OLFM3: variants seen among roughly 807,000 people sequenced by gnomAD.
OLFM3 encodes the protein noelin-3.
OLFM3 carries 20 observed loss-of-function variants against 48.6 expected under a neutral mutation model. The observed-to-expected ratio is 0.41, with a 90% CI of 0.29 to 0.60. The LOEUF is 0.60. OLFM3 is among the 20% of genes least tolerant of loss of function. The pLI, the probability that OLFM3 is intolerant of heterozygous loss-of-function variation, is 0.28. For missense variants in OLFM3, 437 were observed against 544.3 expected (o/e 0.80, Z 1.96); for synonymous variants, 222 against 198.1 (o/e 1.12, Z -1.01).
chr1:101,905,708 C>T (rs934994023), intron 1 of OLFM3, among the ~76,000 whole-genome samples: 3 of 152,080 alleles, frequency 2.0e-5, no homozygotes, highest in African/African-American at 7.2e-5. Flanking sequence ...TGTGATTGGT[C>T]ATTAATGCCT....
intron 1 of OLFM3, among the ~76,000 whole-genome samples, chr1:101,978,787 T>A (rs1661023409): frequency 6.6e-6 from 1 of 152,138 alleles, no homozygotes; most frequent in Non-Finnish European, 1.5e-5. Flanking sequence ...TATTATATCA[T>A]CCCATAGCAA....
chr1:101,910,359 A>G (rs1422454969), intron 1 of OLFM3, among the ~76,000 whole-genome samples: 2 of 152,066 alleles, frequency 1.3e-5, no homozygotes, highest in Admixed American at 6.6e-5. Flanking sequence ...CCAGCTGCTC[A>G]GGAGGCTGAG....
rs1288505200 is a variant in OLFM3, at chr1:101,854,599, GA to G, written c.70-17575del. 5.9e-5 allele frequency among the ~76,000 whole-genome samples: 9 copies of G among 152,006 alleles called. 1 individual carries two copies. The highest frequency in any genetic ancestry group is 2.2e-4 in the African/African-American group (9 of 41,412). Reference sequence around the variant, plus strand: ...CCAGGATTAGTCCAGAAATAAAAACGAAGAATGCAGAGTGGTGTGACAGAAA... The same window carrying G: ...CCAGGATTAGTCCAGAAATAAAAACGAGAATGCAGAGTGGTGTGACAGAAA... On this transcript the variant is annotated intron_variant, in intron 1 of 5. Transcript: ENST00000370103.
chr1:101,888,182 G>A (rs763631234), intron 1 of OLFM3, among the ~76,000 whole-genome samples: 77 of 152,054 alleles, frequency 5.1e-4, no homozygotes, highest in Non-Finnish European at 8.4e-4. Flanking sequence ...AAGAGAGCCT[G>A]CATTGCCAAG....
intron 1 of OLFM3, among the ~76,000 whole-genome samples, chr1:101,957,708 A>T (rs1185921929): frequency 6.6e-6 from 1 of 152,070 alleles, no homozygotes; most frequent in African/African-American, 2.4e-5. Flanking sequence ...CTCTGGGAAG[A>T]GGCTGAATAA....
At chr1:101,841,116 G>A (rs944836324) in intron 1 of OLFM3, among the ~76,000 whole-genome samples, 1 of 152,140 alleles carries the variant, frequency 6.6e-6, no homozygotes, top group East Asian at 1.9e-4. Context: ...GCTAGTATAT[G>A]ATAGTTCTAA....
intron 1 of OLFM3, among the ~76,000 whole-genome samples, chr1:101,876,911 T>A (rs1277598963): frequency 6.6e-6 from 1 of 151,866 alleles, no homozygotes; most frequent in Non-Finnish European, 1.5e-5. Flanking sequence ...ATATCTCAAT[T>A]CCTTATCTAG....
At chr1:101,864,590 C>G (rs188600495) in intron 1 of OLFM3, among the ~76,000 whole-genome samples, 47 of 152,140 alleles carry the variant, frequency 3.1e-4, no homozygotes, top group Middle Eastern at 3.4e-3. Flanking sequence ...AGGGGTATGC[C>G]ATAACCCTTC....
chr1:101,902,451 T>C (rs566427778), intron 1 of OLFM3, among the ~76,000 whole-genome samples: 2 of 151,984 alleles, frequency 1.3e-5, no homozygotes, highest in Non-Finnish European at 2.9e-5. Context: ...AAATTGAGCA[T>C]GTTTGCCACC....
chr1:101,981,675 C>A (rs1337339281), intron 1 of OLFM3, among the ~76,000 whole-genome samples: 2 of 152,200 alleles, frequency 1.3e-5, no homozygotes, highest in African/African-American at 4.8e-5. Flanking sequence ...TGTTCAAAAT[C>A]AAACTCCTGA....
chr1:101,863,869 CATA>C (rs1186774040), intron 1 of OLFM3, among the ~76,000 whole-genome samples: 1 of 152,084 alleles, frequency 6.6e-6, no homozygotes, highest in African/African-American at 2.4e-5. Flanking sequence ...CATCACTGCA[CATA>C]ATGATTTAAG....
At chr1:101,962,496 A>G (rs1471019968) in intron 1 of OLFM3, among the ~76,000 whole-genome samples, 1 of 152,156 alleles carries the variant, frequency 6.6e-6, no homozygotes, top group African/African-American at 2.4e-5. Context: ...GATTATGACC[A>G]AATGCAACTT....
intron 1 of OLFM3, among the ~76,000 whole-genome samples, chr1:101,990,435 A>C (rs546757034): frequency 6.6e-6 from 1 of 152,326 alleles, no homozygotes; most frequent in Admixed American, 6.5e-5. Flanking sequence ...ATTTGCACTA[A>C]ATTTTATGGT....
chr1:101,949,111 C>T (rs570180239), intron 1 of OLFM3, among the ~76,000 whole-genome samples: 2 of 151,916 alleles, frequency 1.3e-5, no homozygotes, highest in East Asian at 1.9e-4. Context: ...TATATAATAA[C>T]ACTATTCCAA....
intron 1 of OLFM3, among the ~76,000 whole-genome samples, chr1:101,958,792 T>A (rs61163839): frequency 0.23 from 33,919 of 149,930 alleles, 4,285 homozygotes; most frequent in East Asian, 0.56. Context: ...TATTTTCAGT[T>A]GACAAATGAA....
At chr1:101,910,656 C>A (rs2000151) in intron 1 of OLFM3, among the ~76,000 whole-genome samples, 65,804 of 151,942 alleles carry the variant, frequency 0.43, 14,343 homozygotes, top group East Asian at 0.59. Context: ...TGATATTTTG[C>A]ATGTCTTTTT....
chr1:101,930,051 T>C (rs1382513462), intron 1 of OLFM3, among the ~76,000 whole-genome samples: 1 of 152,176 alleles, frequency 6.6e-6, no homozygotes, highest in Non-Finnish European at 1.5e-5. Flanking sequence ...TTGAATTTGC[T>C]TTAGAAGAGG....
At chr1:101,814,773 C>T (rs1654246525) in intron 4 of OLFM3, among the ~76,000 whole-genome samples, 1 of 152,100 alleles carries the variant, frequency 6.6e-6, no homozygotes, top group Non-Finnish European at 1.5e-5. Context: ...GAAATAATAT[C>T]GTATCAAAGT....
At chr1:101,987,423 G>A (rs185498573) in intron 1 of OLFM3, among the ~76,000 whole-genome samples, 551 of 152,198 alleles carry the variant, frequency 3.6e-3, no homozygotes, top group Middle Eastern at 0.014. Context: ...TATAATAAGA[G>A]GTCTTTAGAG....
Sources: gnomAD v4.1 joint callset for allele counts (sites outside exome capture counted in the v4.1 genomes callset) on GRCh38, gnomAD v4.1.1 for gene constraint, MANE v1.5 for transcripts, NCBI Gene and HGNC (gene_info 2026-07-23, HGNC 2026-07-21) for gene names.